The following ASTN2 variants were observed in gnomAD, a reference collection of about 807,000 sequenced individuals.
The protein encoded by ASTN2 is astrotactin 2.
Under a neutral mutation model 139.8 loss-of-function variants are expected in ASTN2, and 54 were observed. That is an observed-to-expected ratio of 0.39 (90% CI 0.31 to 0.48). ASTN2 has a LOEUF of 0.48. Ranked by LOEUF, ASTN2 falls within the 20% of genes least tolerant of loss-of-function variation. The pLI is 0.95. For synonymous variants in ASTN2, 756 were observed against 719.5 expected, an observed-to-expected ratio of 1.05 and a Z score of -0.81; for missense variants, 1,565 against 1,725.1, an observed-to-expected ratio of 0.91 and a Z score of 1.64.
At chr9:116,565,385 CTCCATATATATATATATATATATATATA>C (rs1485308730) in intron 19 of ASTN2, among the ~76,000 whole-genome samples, 1 of 30,736 alleles carries the variant, frequency 3.3e-5, no homozygotes, top group Non-Finnish European at 5.4e-5. Flanking sequence ...CTCTCTCTCT[CTCCATATATATATATATATATATATATA>C]TATATATATA....
chr9:116,757,526 C>G (rs1458487736), intron 13 of ASTN2, among the ~76,000 whole-genome samples: 1 of 152,004 alleles, frequency 6.6e-6, no homozygotes, highest in African/African-American at 2.4e-5. Flanking sequence ...TTCTGGTGTT[C>G]ATGCAGACAT....
intron 13 of ASTN2, among the ~76,000 whole-genome samples, chr9:116,771,668 T>C (rs1274961034): frequency 1.3e-5 from 2 of 152,192 alleles, no homozygotes; most frequent in African/African-American, 4.8e-5. Context: ...ATTTCCATTA[T>C]ATTTAGAGTG....
At chr9:117,336,812 T>A (rs891367625) in intron 1 of ASTN2, among the ~76,000 whole-genome samples, 1 of 152,104 alleles carries the variant, frequency 6.6e-6, no homozygotes, top group African/African-American at 2.4e-5. Flanking sequence ...CAGGTTCATG[T>A]CAGTCTATGT....
At chr9:116,457,738 G>A (rs544547750) in intron 20 of ASTN2, among the ~76,000 whole-genome samples, 9 of 152,092 alleles carry the variant, frequency 5.9e-5, no homozygotes, top group Admixed American at 2.0e-4. Flanking sequence ...GGAAACCCTC[G>A]TATGTTACTG....
chr9:117,204,778 A>G (rs903675710), intron 3 of ASTN2, among the ~76,000 whole-genome samples: 6 of 152,262 alleles, frequency 3.9e-5, no homozygotes, highest in African/African-American at 1.4e-4. Context: ...AACAACAAAA[A>G]GAAAATAAAA....
intron 10 of ASTN2, among the ~76,000 whole-genome samples, chr9:116,950,843 T>A (rs1291868521): frequency 6.6e-6 from 1 of 152,224 alleles, no homozygotes; most frequent in African/African-American, 2.4e-5. Flanking sequence ...TTGCAGTAAG[T>A]GTCCTTGGCT....
intron 3 of ASTN2, chr9:117,180,740 G>T: frequency 6.3e-7 from 1 of 1,587,598 alleles, no homozygotes; most frequent in Non-Finnish European, 8.5e-7. Context: ...AGAGGGCCAC[G>T]ACTGGGGATG....
chr9:117,334,315 C>T (rs1828805814), intron 1 of ASTN2, among the ~76,000 whole-genome samples: 1 of 152,030 alleles, frequency 6.6e-6, no homozygotes. Flanking sequence ...GGTGGTAGTG[C>T]CGGGTGGTGG....
intron 1 of ASTN2, among the ~76,000 whole-genome samples, chr9:117,319,673 T>A (rs897020794): frequency 6.6e-6 from 1 of 151,956 alleles, no homozygotes; most frequent in South Asian, 2.1e-4. Context: ...TGGCCTCAAG[T>A]GATCCACCTG....
intron 20 of ASTN2, among the ~76,000 whole-genome samples, chr9:116,457,398 A>T (rs1251659571): frequency 6.6e-6 from 1 of 152,152 alleles, no homozygotes; most frequent in Non-Finnish European, 1.5e-5. Context: ...AACAATCAAT[A>T]AGGTGAAAGA....
intron 3 of ASTN2, among the ~76,000 whole-genome samples, chr9:117,174,132 T>C (rs1399625679): frequency 1.9e-5 from 2 of 105,326 alleles, no homozygotes; most frequent in Admixed American, 8.6e-5. Flanking sequence ...ACTAGATAGA[T>C]AGATAGATAG....
rs769480844 is a variant in ASTN2, at chr9:117,214,481, C to T, written c.892G>A (p.Asp298Asn). The change falls in exon 3 of 23, where the codon GAT becomes AAT. Residue 298 changes from aspartate to asparagine, a missense_variant. Around this residue, in one of 4 missense-constraint regions of ASTN2, gnomAD observed 596 missense variants for 576.8 expected, o/e 1.03. Coordinates refer to ENST00000313400, the MANE Select transcript of ASTN2 (RefSeq NM_001365068.1). ...TTGGCCCGCCTAGGTGGCTCCTCAT[C>T]CTCCTCACAGTCATAGTCATCCAGG... ...PILDDYDCEE[D>N]EEPPRRANHV... The T allele has an allele frequency of 9.9e-6, 16 of 1,614,208 alleles. No individual in the cohort carries two copies. The East Asian group carries it at 3.1e-4, about 31-fold the overall frequency.
intron 1 of ASTN2, among the ~76,000 whole-genome samples, chr9:117,307,971 G>A (rs1040857554): frequency 1.3e-5 from 2 of 152,148 alleles, no homozygotes; most frequent in South Asian, 2.1e-4. Context: ...CCTTGTTCTC[G>A]AACTGTCCAT....
At chr9:116,662,317 A>C (rs935006086) in intron 16 of ASTN2, among the ~76,000 whole-genome samples, 7 of 152,192 alleles carry the variant, frequency 4.6e-5, no homozygotes, top group African/African-American at 1.7e-4. Context: ...TCATGCCTGT[A>C]ATTCCAACAC....
chr9:116,505,026 T>C (rs11793212), intron 19 of ASTN2, among the ~76,000 whole-genome samples: 48,852 of 151,810 alleles, frequency 0.32, 8,855 homozygotes, highest in Admixed American at 0.44. Context: ...CTTGGTTAAA[T>C]TGCGCAACTG....
chr9:117,175,937 G>A (rs1220590126), intron 3 of ASTN2, among the ~76,000 whole-genome samples: 3 of 151,824 alleles, frequency 2.0e-5, no homozygotes, highest in Non-Finnish European at 4.4e-5. Flanking sequence ...ATAAGTCATA[G>A]ATTGGAAGAA....
At chr9:117,377,619 C>T (rs981197405) in intron 1 of ASTN2, among the ~76,000 whole-genome samples, 1 of 151,668 alleles carries the variant, frequency 6.6e-6, no homozygotes, top group African/African-American at 2.4e-5. Context: ...GAGTAACTTA[C>T]AGAAATGCAC....
intron 19 of ASTN2, among the ~76,000 whole-genome samples, chr9:116,532,212 G>GT (rs1851385787): frequency 6.6e-6 from 1 of 151,914 alleles, no homozygotes; most frequent in Non-Finnish European, 1.5e-5. Flanking sequence ...CTGATGGGTT[G>GT]TTTTTTTCTT....
intron 4 of ASTN2, among the ~76,000 whole-genome samples, chr9:117,112,316 A>G (rs1829271122): frequency 6.6e-6 from 1 of 152,106 alleles, no homozygotes; most frequent in Admixed American, 6.5e-5. Flanking sequence ...TGAAAGTGCA[A>G]GTAATCCACA....
Sources: allele counts gnomAD v4.1 joint callset (sites outside exome capture counted in the v4.1 genomes callset), GRCh38; gene constraint gnomAD v4.1.1; regional missense constraint gnomAD v4.1.1; transcripts MANE v1.5; gene names NCBI Gene and HGNC (gene_info 2026-07-23, HGNC 2026-07-21).